ST6GALNAC3: variants seen among roughly 807,000 people sequenced by gnomAD.
ST6GALNAC3 encodes ST6 N-acetylgalactosaminide alpha-2,6-sialyltransferase 3.
Under a neutral mutation model 32.7 loss-of-function variants are expected in ST6GALNAC3, and 25 were observed. The ratio of observed to expected loss-of-function variants is 0.76; its 90% CI spans 0.56 to 1.07. ST6GALNAC3 has a LOEUF of 1.07. Among genes scored for constraint, ST6GALNAC3 ranks in the 50% least tolerant of loss-of-function variants. ST6GALNAC3 has a pLI of 0.00. For synonymous variants in ST6GALNAC3, 129 were observed against 133.1 expected, an observed-to-expected ratio of 0.97 and a Z score of 0.21; for missense variants, 355 against 382.4, an observed-to-expected ratio of 0.93 and a Z score of 0.60.
At chr1:76,102,047 CTTTT>C in intron 1 of ST6GALNAC3, among the ~76,000 whole-genome samples, 1 of 152,080 alleles carries the variant, frequency 6.6e-6, no homozygotes, top group East Asian at 1.9e-4. Context: ...TTTCTTTTGT[CTTTT>C]TTTGTTTTAT....
chr1:76,621,063 G>A (rs2100702197), intron 3 of ST6GALNAC3, among the ~76,000 whole-genome samples: 1 of 152,174 alleles, frequency 6.6e-6, no homozygotes, highest in Non-Finnish European at 1.5e-5. Flanking sequence ...ATTGGGAGCT[G>A]TACCATTTTA....
At chr1:76,500,371 A>G (rs903880354) in intron 3 of ST6GALNAC3, among the ~76,000 whole-genome samples, 1 of 152,172 alleles carries the variant, frequency 6.6e-6, no homozygotes, top group Non-Finnish European at 1.5e-5. Flanking sequence ...TGATGCTATC[A>G]CTGGCAATTT....
intron 1 of ST6GALNAC3, among the ~76,000 whole-genome samples, chr1:76,113,718 C>A (rs1648256325): frequency 6.6e-6 from 1 of 152,086 alleles, no homozygotes; most frequent in Admixed American, 6.5e-5. Context: ...GCCAATTGTA[C>A]CTCTGTAATG....
At chr1:76,549,592 A>G (rs762912185) in intron 3 of ST6GALNAC3, among the ~76,000 whole-genome samples, 4 of 152,094 alleles carry the variant, frequency 2.6e-5, no homozygotes, top group Admixed American at 2.0e-4. Flanking sequence ...CTGTTGATAA[A>G]CATTTTGATT....
intron 1 of ST6GALNAC3, among the ~76,000 whole-genome samples, chr1:76,216,154 C>G (rs941545154): frequency 6.6e-6 from 1 of 152,238 alleles, no homozygotes; most frequent in African/African-American, 2.4e-5. Flanking sequence ...AATACTTCAC[C>G]TCCAGATATC....
At chr1:76,396,538 C>G (rs1652974756) in intron 2 of ST6GALNAC3, among the ~76,000 whole-genome samples, 1 of 152,006 alleles carries the variant, frequency 6.6e-6, no homozygotes, top group South Asian at 2.1e-4. Flanking sequence ...CTTTTTTTCC[C>G]CTATAAAAGC....
chr1:76,284,127 A>T (rs1252239803), intron 1 of ST6GALNAC3, among the ~76,000 whole-genome samples: 1 of 152,214 alleles, frequency 6.6e-6, no homozygotes, highest in Non-Finnish European at 1.5e-5. Context: ...TAGATTTGTA[A>T]GTTTAATTTT....
intron 3 of ST6GALNAC3, among the ~76,000 whole-genome samples, chr1:76,557,979 T>C (rs1003017559): frequency 6.6e-5 from 10 of 152,092 alleles, no homozygotes; most frequent in African/African-American, 2.4e-4. Context: ...AAGAGGGAGC[T>C]ATGGTGGTTC....
chr1:76,392,994 T>C (rs1412057303), intron 2 of ST6GALNAC3, among the ~76,000 whole-genome samples: 2 of 152,172 alleles, frequency 1.3e-5, no homozygotes, highest in African/African-American at 4.8e-5. Context: ...CATTCCCCTT[T>C]GCATGCATTA....
intron 3 of ST6GALNAC3, among the ~76,000 whole-genome samples, chr1:76,538,766 A>T (rs1477386861): frequency 6.6e-6 from 1 of 152,188 alleles, no homozygotes; most frequent in East Asian, 1.9e-4. Flanking sequence ...TCCCATTCAC[A>T]ATCACTACAA....
intron 3 of ST6GALNAC3, among the ~76,000 whole-genome samples, chr1:76,525,229 T>G (rs771277195): frequency 6.6e-6 from 1 of 152,118 alleles, no homozygotes; most frequent in Non-Finnish European, 1.5e-5. Flanking sequence ...AGAGGAGCCA[T>G]GGAACATTTC....
intron 2 of ST6GALNAC3, among the ~76,000 whole-genome samples, chr1:76,347,304 T>C (rs1648602188): frequency 1.3e-5 from 2 of 152,172 alleles, no homozygotes; most frequent in African/African-American, 2.4e-5. Context: ...GTTTTGGATA[T>C]ATGACTTAAA....
At chr1:76,451,507 G>A (rs12042920) in intron 3 of ST6GALNAC3, among the ~76,000 whole-genome samples, 2 of 152,184 alleles carry the variant, frequency 1.3e-5, no homozygotes, top group African/African-American at 4.8e-5. Flanking sequence ...TTCAAGATAA[G>A]TTTTGGGTGG....
At chr1:76,345,757 G>A (rs911038724) in intron 2 of ST6GALNAC3, among the ~76,000 whole-genome samples, 47 of 152,046 alleles carry the variant, frequency 3.1e-4, no homozygotes, top group Admixed American at 2.8e-3. Flanking sequence ...CTTCCAAGTA[G>A]GACCCGTTCC....
At chr1:76,444,452 C>G (rs985424430) in intron 3 of ST6GALNAC3, among the ~76,000 whole-genome samples, 1 of 152,220 alleles carries the variant, frequency 6.6e-6, no homozygotes, top group African/African-American at 2.4e-5. Context: ...TCATGAAACA[C>G]TGTAATGAAA....
intron 2 of ST6GALNAC3, among the ~76,000 whole-genome samples, chr1:76,380,295 A>G (rs997487402): frequency 6.6e-6 from 1 of 152,198 alleles, no homozygotes; most frequent in African/African-American, 2.4e-5. Flanking sequence ...ATAACTAAAC[A>G]AAAAATGATG....
chr1:76,274,744 G>A (rs918333373), intron 1 of ST6GALNAC3, among the ~76,000 whole-genome samples: 3 of 150,064 alleles, frequency 2.0e-5, no homozygotes, highest in African/African-American at 7.3e-5. Flanking sequence ...ATAGGGTGGA[G>A]GGGGGTGCTT....
At chr1:76,309,479 C>G (rs1277352195) in intron 1 of ST6GALNAC3, among the ~76,000 whole-genome samples, 1 of 152,150 alleles carries the variant, frequency 6.6e-6, no homozygotes, top group African/African-American at 2.4e-5. Flanking sequence ...GTGTAGCCTT[C>G]TGTCTCATCC....
chr1:76,525,811 A>G (rs1255214171), intron 3 of ST6GALNAC3, among the ~76,000 whole-genome samples: 11 of 132,832 alleles, frequency 8.3e-5, no homozygotes, highest in East Asian at 7.8e-4. Flanking sequence ...ATATATATAT[A>G]TATATATATA....
Sources: allele counts gnomAD v4.1 joint callset (sites outside exome capture counted in the v4.1 genomes callset), GRCh38; gene constraint gnomAD v4.1.1; transcripts MANE v1.5; gene names NCBI Gene and HGNC (gene_info 2026-07-23, HGNC 2026-07-21).